PHF5A: variants seen among roughly 807,000 people sequenced by gnomAD.
PHF5A encodes PHD finger protein 5A, also known as PHD finger-like domain-containing protein 5A.
For synonymous variants in PHF5A, 52 were observed against 46.0 expected, an observed-to-expected ratio of 1.13 and a Z score of -0.52; for missense variants, 24 against 140.6, an observed-to-expected ratio of 0.17 and a Z score of 4.19.
chr22:41,465,378 C>T (rs1199743132), intron 3 of PHF5A, among the ~76,000 whole-genome samples: 2 of 151,808 alleles, frequency 1.3e-5, no homozygotes, highest in Admixed American at 1.3e-4. Context: ...GGCCAGGCTG[C>T]TCTCAAACTC....
chr22:41,465,772 C>T (rs1377504610), intron 3 of PHF5A, among the ~76,000 whole-genome samples: 3 of 151,958 alleles, frequency 2.0e-5, no homozygotes, highest in African/African-American at 7.3e-5. Context: ...CCCAGCTACT[C>T]GGGAGGCTGA....
At chr22:41,467,426 A>C in intron 3 of PHF5A, 22 bp downstream of exon 3, 3 of 1,611,580 alleles carry the variant, frequency 1.9e-6, no homozygotes, top group Non-Finnish European at 2.5e-6. Context: ...AGGAAAGGTC[A>C]GATGGAAAGC....
chr22:41,462,350 A>T (rs940204572), intron 3 of PHF5A, among the ~76,000 whole-genome samples: 7 of 152,346 alleles, frequency 4.6e-5, no homozygotes, highest in Middle Eastern at 3.4e-3. Context: ...TTCTAACTCA[A>T]CTAATATCCT....
chr22:41,463,834 T>C (rs2037845767), intron 3 of PHF5A, among the ~76,000 whole-genome samples: 1 of 151,158 alleles, frequency 6.6e-6, no homozygotes, highest in African/African-American at 2.4e-5. Context: ...GCGGAGATTG[T>C]AATGAGCCGA....
chr22:41,461,757 G>A (rs1015593850), intron 3 of PHF5A, among the ~76,000 whole-genome samples: 2 of 152,022 alleles, frequency 1.3e-5, no homozygotes, highest in African/African-American at 2.4e-5. Flanking sequence ...CCGCCTTCCG[G>A]GTTCAAGCAA....
At position 41,460,133 on chromosome 22, in the gene PHF5A, T is replaced by A. The variant is rs202639; in HGVS notation, c.*265A>T. The A allele has an allele frequency of 0.81, 230,553 of 285,292 alleles. 94,749 individuals carry two copies. The highest frequency in any genetic ancestry group is 0.95 in the East Asian group (15,967 of 16,748). The allele number at this position is 285,292 out of a possible 1,614,324, so 17.7% of individuals were successfully genotyped here. A position where few individuals can be genotyped will look rare whatever the true frequency, so the allele number is the denominator to read the frequency against. On this transcript the variant is annotated 3_prime_UTR_variant, in exon 4 of 4. Transcript: ENST00000216252. ...ACATACCAATATGGAGAACAGATCT[T>A]TGCTTCTCGAATTCAAGAAAAACCA... is the stretch of plus-strand genomic sequence containing the variant.
At chr22:41,467,165 C>T (rs887692080) in intron 3 of PHF5A, among the ~76,000 whole-genome samples, 4 of 152,012 alleles carry the variant, frequency 2.6e-5, no homozygotes, top group East Asian at 3.9e-4. Flanking sequence ...CACGCCCAGC[C>T]GGATGTCATT....
intron 3 of PHF5A, among the ~76,000 whole-genome samples, chr22:41,465,037 G>T (rs1308412463): frequency 6.6e-6 from 1 of 152,146 alleles, no homozygotes; most frequent in African/African-American, 2.4e-5. Context: ...TTGGATTTTC[G>T]GACAGCAGAA....
At chr22:41,460,689 C>G (rs1383128329) in intron 3 of PHF5A, among the ~76,000 whole-genome samples, 1 of 150,580 alleles carries the variant, frequency 6.6e-6, no homozygotes, top group Non-Finnish European at 1.5e-5. Flanking sequence ...CTACTGTACC[C>G]CACTGTAGGC....
At position 41,468,667 on chromosome 22, in the gene PHF5A, G is replaced by T. The variant is rs764564939; in HGVS notation, c.-14C>A. ...ATGTTTAGCCATAGCTCCTAACTAA[G>T]CCGGCCACCGGAAGCTTCGGGAACT... On this transcript the variant is annotated 5_prime_UTR_variant, in exon 1 of 4. Coordinates refer to ENST00000216252, the MANE Select transcript of PHF5A (RefSeq NM_032758.4). 4.3e-6 allele frequency: 7 copies of T among 1,613,858 alleles called. No individual in the cohort carries two copies. The African/African-American group carries it at 9.3e-5, about 22-fold the overall frequency.
At chr22:41,461,001 C>T (rs147222917) in intron 3 of PHF5A, among the ~76,000 whole-genome samples, 68 of 152,024 alleles carry the variant, frequency 4.5e-4, no homozygotes, top group African/African-American at 1.5e-3. Flanking sequence ...GGTAAAACCC[C>T]GTCTCTACTA....
chr22:41,467,719 T>C (rs1489833370), intron 2 of PHF5A, 105 bp from the exon 3 acceptor site: 8 of 1,318,408 alleles, frequency 6.1e-6, no homozygotes, highest in African/African-American at 1.5e-5. Context: ...TAGTCTCCTT[T>C]TGACAGTGAC....
intron 3 of PHF5A, among the ~76,000 whole-genome samples, chr22:41,464,112 G>A (rs901914283): frequency 6.6e-6 from 1 of 152,118 alleles, no homozygotes; most frequent in African/African-American, 2.4e-5. Flanking sequence ...CTGGTTGGGC[G>A]AACTGAGGAA....
chr22:41,460,724 G>GA (rs33913007), intron 3 of PHF5A, among the ~76,000 whole-genome samples: 89,178 of 148,004 alleles, frequency 0.6, 27,825 homozygotes, highest in Non-Finnish European at 0.71. Context: ...CCCATCTCTT[G>GA]AAAAAAAAAA....
chr22:41,462,597 G>A (rs760665757), intron 3 of PHF5A, among the ~76,000 whole-genome samples: 4 of 152,164 alleles, frequency 2.6e-5, no homozygotes, highest in East Asian at 1.9e-4. Context: ...ACAAAGGCCT[G>A]ATATTAGACA....
chr22:41,467,905 C>A, intron 2 of PHF5A: 1 of 616,588 alleles, frequency 1.6e-6, no homozygotes, highest in Non-Finnish European at 2.9e-6. Context: ...AGGGGTCATG[C>A]TACTCTGGCG....
At chr22:41,467,225 G>A (rs1345179411) in intron 3 of PHF5A, among the ~76,000 whole-genome samples, 1 of 151,902 alleles carries the variant, frequency 6.6e-6, no homozygotes, top group Non-Finnish European at 1.5e-5. Context: ...TCTCCAAATT[G>A]CTGGTCTTGA....
chr22:41,464,003 C>T (rs1436838023), intron 3 of PHF5A, among the ~76,000 whole-genome samples: 1 of 152,160 alleles, frequency 6.6e-6, no homozygotes, highest in Non-Finnish European at 1.5e-5. Flanking sequence ...CCTTAGCATC[C>T]TCATCTGTAT....
rs1372002415 is a variant in PHF5A at position 41,467,547 on chromosome 22, C to G, written c.144G>C (p.Glu48Asp). Residue 48 changes from glutamate (E) to aspartate (D), a missense_variant, in exon 3 of 4, where the codon GAG becomes GAC. Glu to Asp is a conservative substitution (Grantham distance 45). Transcript: ENST00000216252. ...GCCCCTGGTAAGATCCATAGTTACACTCATCACATATGCGCACCAGAGTGC... is the reference window on the plus strand; with the variant it reads ...GCCCCTGGTAAGATCCATAGTTACAGTCATCACATATGCGCACCAGAGTGC... Reference protein sequence around the residue: ...RPCTLVRICDECNYGSYQGRC... With the variant: ...RPCTLVRICDDCNYGSYQGRC... 1 of 1,614,106 alleles carries G rather than the reference C, an allele frequency of 6.2e-7. No homozygotes were observed. The highest frequency in any genetic ancestry group is 8.5e-7 in the Non-Finnish European group (1 of 1,180,046).
Sources: allele counts gnomAD v4.1 joint callset (sites outside exome capture counted in the v4.1 genomes callset), GRCh38; gene constraint gnomAD v4.1.1; transcripts MANE v1.5; gene names NCBI Gene and HGNC (gene_info 2026-07-23, HGNC 2026-07-21).